The following TG variants were observed in gnomAD, a reference collection of about 807,000 sequenced individuals.
The protein encoded by TG is thyroid hormones.
Under a neutral mutation model 324.7 loss-of-function variants are expected in TG, and 270 were observed. That is an observed-to-expected ratio of 0.83 (90% CI 0.75 to 0.92). The LOEUF (loss-of-function observed/expected upper bound fraction) is 0.92, where lower values mean the gene tolerates loss of function less well. Among genes scored for constraint, TG ranks in the 40% least tolerant of loss-of-function variants. The pLI is 0.00. For missense variants in TG, 3,591 were observed against 3,456.4 expected (o/e 1.04, Z -0.98); for synonymous variants, 1,401 against 1,327.0 (o/e 1.06, Z -1.21).
chr8:132,961,824 A>G (rs971152417), intron 28 of TG, among the ~76,000 whole-genome samples: 1 of 152,080 alleles, frequency 6.6e-6, no homozygotes, highest in South Asian at 2.1e-4. Context: ...GTCCTCGCTG[A>G]TCTTCAGTGT....
In TG at chr8:133,113,575, T is replaced by G; in HGVS notation, c.7726T>G (p.Phe2576Val). Residue 2576 changes from phenylalanine to valine, a missense_variant, in exon 44 of 48, where the codon TTC (phenylalanine) becomes GTC (valine). Physicochemically the swap from Phe to Val is conservative, Grantham distance 50 (BLOSUM62 -1). Coordinates refer to ENST00000220616, the MANE Select transcript of TG (RefSeq NM_003235.5). ...GCACTCCACGGATGACTATGCCTCCTTCTCCCGGGCTCTGGAGAATGCCAC... is the reference window on the plus strand; with the variant it reads ...GCACTCCACGGATGACTATGCCTCCGTCTCCCGGGCTCTGGAGAATGCCAC... ...LEHSTDDYAS[F>V]SRALENATRD... 1 of 1,614,150 alleles carries G rather than the reference T, an allele frequency of 6.2e-7. No homozygotes were observed.
chr8:133,024,379 T>TTTCC (rs1471284987), intron 40 of TG, among the ~76,000 whole-genome samples: 148 of 107,826 alleles, frequency 1.4e-3, no homozygotes, highest in African/African-American at 6.1e-3. Context: ...TCTTTCTTTC[T>TTTCC]TTCTTTCTTT....
At chr8:133,086,462 A>G (rs1390639173) in intron 41 of TG, among the ~76,000 whole-genome samples, 7 of 152,224 alleles carry the variant, frequency 4.6e-5, no homozygotes, top group African/African-American at 1.2e-4. Context: ...CTTCTTTAAT[A>G]CGGATGTTCA....
chr8:133,063,748 A>G (rs1276168057), intron 41 of TG: 1 of 152,220 alleles, frequency 6.6e-6, no homozygotes, highest in Admixed American at 6.5e-5. Context: ...CACCAAAAAA[A>G]CCATCAGGTC....
chr8:132,881,224 G>A (rs1038054449), intron 5 of TG, among the ~76,000 whole-genome samples: 3 of 152,134 alleles, frequency 2.0e-5, no homozygotes, highest in South Asian at 2.1e-4. Context: ...TGATGAGCTC[G>A]TTATAACAAT....
intron 41 of TG, among the ~76,000 whole-genome samples, chr8:133,053,406 T>A (rs775263668): frequency 1.2e-4 from 19 of 152,218 alleles, no homozygotes; most frequent in Non-Finnish European, 2.5e-4. Flanking sequence ...TTACTGAATG[T>A]GCAGAGCGGT....
intron 35 of TG, among the ~76,000 whole-genome samples, chr8:132,991,663 C>T (rs530580319): frequency 2.0e-5 from 3 of 152,250 alleles, no homozygotes; most frequent in South Asian, 4.1e-4. Flanking sequence ...GTTAGCACAC[C>T]CTGTTTCCTC....
At chr8:133,106,774 A>G (rs62513964) in intron 43 of TG, among the ~76,000 whole-genome samples, 27,882 of 152,124 alleles carry the variant, frequency 0.18, 2,972 homozygotes, top group Admixed American at 0.25. Context: ...TATCACATAG[A>G]TGTGCTGTAT....
chr8:132,979,105 G>A (rs1830519449), intron 34 of TG, among the ~76,000 whole-genome samples: 1 of 152,188 alleles, frequency 6.6e-6, no homozygotes, highest in Non-Finnish European at 1.5e-5. Context: ...ACTGTTCTAA[G>A]CCTCCAGAGG....
chr8:133,102,476 A>T, intron 43 of TG: 2 of 1,311,532 alleles, frequency 1.5e-6, no homozygotes, highest in Non-Finnish European at 1.1e-6. Context: ...CCCTCTGAAG[A>T]CCCTCCCCCA....
chr8:133,106,135 G>A (rs1414874947), intron 43 of TG, among the ~76,000 whole-genome samples: 2 of 152,176 alleles, frequency 1.3e-5, no homozygotes, highest in African/African-American at 4.8e-5. Context: ...CCAGTGGGGG[G>A]GTTTGCCCAG....
Position 132,888,226 on chromosome 8 carries a change from A to G in TG, c.2419A>G (p.Met807Val), listed in dbSNP as rs771869543. The G allele has an allele frequency of 2.5e-6, 4 of 1,614,112 alleles. No individual in the cohort carries two copies. The Admixed American group carries it at 5.0e-5, about 20-fold the overall frequency. The change falls in exon 10 of 48, where the codon ATG (methionine) becomes GTG (valine). Residue 807 changes from methionine to valine, a missense_variant. Coordinates refer to ENST00000220616, the MANE Select transcript of TG (RefSeq NM_003235.5). ...GCCTGCCAAGCTGCTAGTGAAGATCATGAGCTACAGAGAAGCAGCTTCCGG... is the reference window on the plus strand; with the variant it reads ...GCCTGCCAAGCTGCTAGTGAAGATCGTGAGCTACAGAGAAGCAGCTTCCGG... ...LTPAKLLVKI[M>V]SYREAASGNF...
Position 133,094,925 on chromosome 8 carries a change from C to T in TG, c.7240-119C>T, listed in dbSNP as rs1385695713. ...CATTGTGTGCAGCCCCAGAATGGGT[C>T]CTGGGACTCCCAAGCTTGGAGGAAG... is the stretch of plus-strand genomic sequence containing the variant. On this transcript the variant is annotated intron_variant, in intron 41 of 47. Coordinates refer to ENST00000220616, the MANE Select transcript of TG (RefSeq NM_003235.5). The T allele has an allele frequency of 7.9e-6, 11 of 1,385,392 alleles. No individual in the cohort carries two copies. In the South Asian group the frequency reaches 1.1e-4, roughly 13 times the overall value. 85.8% of individuals were successfully genotyped at this position (1,385,392 alleles called of 1,614,324 possible).
At chr8:132,975,371 T>C (rs1013898193) in intron 34 of TG, among the ~76,000 whole-genome samples, 21 of 152,234 alleles carry the variant, frequency 1.4e-4, no homozygotes, top group Non-Finnish European at 2.5e-4. Flanking sequence ...TTACAACATC[T>C]TGACAGGAGT....
intron 40 of TG, among the ~76,000 whole-genome samples, chr8:133,027,097 C>T (rs558788787): frequency 3.5e-4 from 53 of 152,306 alleles, no homozygotes; most frequent in Admixed American, 1.4e-3. Context: ...GTTCCATGGC[C>T]ACTACACTGC....
At chr8:132,943,661 C>T (rs115263371) in intron 26 of TG, among the ~76,000 whole-genome samples, 3,054 of 152,230 alleles carry the variant, frequency 0.02, 107 homozygotes, top group African/African-American at 0.071. Context: ...TGACCTCCGA[C>T]CTTCCCTCGA....
chr8:132,901,633 C>G (rs1169362736), intron 16 of TG, 80 bp downstream of exon 16: 9 of 1,481,526 alleles, frequency 6.1e-6, no homozygotes, highest in Non-Finnish European at 8.2e-6. Flanking sequence ...ACTAGAGAAG[C>G]TGGGAAGGCA....
chr8:133,124,248 C>T (rs764881899), intron 45 of TG, among the ~76,000 whole-genome samples: 11 of 152,190 alleles, frequency 7.2e-5, no homozygotes, highest in African/African-American at 1.2e-4. Context: ...GCATCTGGGT[C>T]TTTCTTCTGA....
At chr8:133,082,934 TA>T (rs1845977808) in intron 41 of TG, among the ~76,000 whole-genome samples, 1 of 152,226 alleles carries the variant, frequency 6.6e-6, no homozygotes, top group Non-Finnish European at 1.5e-5. Context: ...GTCATCCAGT[TA>T]TAACCGACTA....
Sources: gnomAD v4.1 joint callset for allele counts (sites outside exome capture counted in the v4.1 genomes callset) on GRCh38, gnomAD v4.1.1 for gene constraint, MANE v1.5 for transcripts, NCBI Gene and HGNC (gene_info 2026-07-23, HGNC 2026-07-21) for gene names.